The following ZNF385D variants were observed in gnomAD, a reference collection of about 807,000 sequenced individuals.
ZNF385D encodes zinc finger protein 385D, also known as zinc finger protein 659.
Under a neutral mutation model 35.8 loss-of-function variants are expected in ZNF385D, and 15 were observed. That is an observed-to-expected ratio of 0.42 (90% CI 0.28 to 0.64). The LOEUF (loss-of-function observed/expected upper bound fraction) is 0.64. ZNF385D is among the 30% of genes least tolerant of loss of function. The probability of loss-of-function intolerance (pLI) is 0.23; values close to 1 mark genes in which losing one functional copy is unlikely to be tolerated. For missense variants in ZNF385D, 474 were observed against 494.6 expected (o/e 0.96, Z 0.39); for synonymous variants, 212 against 186.8 (o/e 1.13, Z -1.10).
At chr3:21,538,557 TTTTTA>T (rs1476570011) in intron 3 of ZNF385D, among the ~76,000 whole-genome samples, 1 of 152,078 alleles carries the variant, frequency 6.6e-6, no homozygotes, top group African/African-American at 2.4e-5. Flanking sequence ...TTCTTGGCAT[TTTTTA>T]TTTTAAAGAT....
Position 21,588,549 on chromosome 3 carries a change from A to G in ZNF385D, c.166-23865T>C, listed in dbSNP as rs143859455. Among the ~76,000 whole-genome samples, 1,438 of 152,262 alleles carry G rather than the reference A, an allele frequency of 9.4e-3. 38 individuals are homozygous for G. Among genetic ancestry groups the G allele is most frequent in the East Asian group, 0.09 (465 of 5,184 alleles). On this transcript the variant is annotated intron_variant, in intron 2 of 7. Transcript: ENST00000281523. ...CTTATAGAGATAACATATACAATAT[A>G]TATAAAGACATTAAAGAAAAAACTA... is the stretch of plus-strand genomic sequence containing the variant.
chr3:21,441,570 G>T, intron 4 of ZNF385D: 1 of 376,780 alleles, frequency 2.7e-6, no homozygotes, highest in Non-Finnish European at 3.7e-6. Flanking sequence ...GAAACTAAGC[G>T]TGGCCCAAGC....
At chr3:21,798,858 T>C (rs1036203907) in intron 3 of ZNF385D, among the ~76,000 whole-genome samples, 2 of 152,154 alleles carry the variant, frequency 1.3e-5, no homozygotes, top group Non-Finnish European at 2.9e-5. Context: ...TTCAGTAGCA[T>C]TTACTAAATT....
chr3:22,163,791 G>A (rs1432250272), intron 3 of ZNF385D, among the ~76,000 whole-genome samples: 3 of 152,120 alleles, frequency 2.0e-5, no homozygotes, highest in Non-Finnish European at 4.4e-5. Flanking sequence ...CTAAATTGTG[G>A]TGAAAAGTTT....
intron 3 of ZNF385D, among the ~76,000 whole-genome samples, chr3:21,798,513 G>A (rs568617850): frequency 6.6e-6 from 1 of 152,184 alleles, no homozygotes; most frequent in African/African-American, 2.4e-5. Flanking sequence ...AGCAGGGGAA[G>A]CGTCTGCTGC....
Position 21,549,991 on chromosome 3 carries a change from C to T in ZNF385D, c.276+14583G>A, listed in dbSNP as rs182340791. Among the ~76,000 whole-genome samples, 592 of 152,232 alleles carry T rather than the reference C, an allele frequency of 3.9e-3. 1 individual carries two copies. The highest frequency in any genetic ancestry group is 6.5e-3 in the Non-Finnish European group (445 of 68,022). ...TCTTTAGAAAATTGCAACTGAGGCC[C>T]TCAAAATGGAATTTATAATTTGAGA... is the stretch of plus-strand genomic sequence containing the variant. On this transcript the variant is annotated intron_variant, in intron 3 of 7. Coordinates refer to ENST00000281523, the MANE Select transcript of ZNF385D (RefSeq NM_024697.3).
chr3:21,888,534 G>T (rs995528812), intron 3 of ZNF385D, among the ~76,000 whole-genome samples: 1 of 152,096 alleles, frequency 6.6e-6, no homozygotes, highest in South Asian at 2.1e-4. Context: ...AGGAACAACC[G>T]AGAGTTTATT....
At chr3:21,692,877 G>C (rs2067329852) in intron 1 of ZNF385D, among the ~76,000 whole-genome samples, 1 of 152,148 alleles carries the variant, frequency 6.6e-6, no homozygotes, top group African/African-American at 2.4e-5. Flanking sequence ...GGATGCTACT[G>C]TCCAGAATTT....
In ZNF385D at chr3:21,880,302, T is replaced by C. The variant is rs541841438; in HGVS notation, c.326-215274A>G. 3.3e-5 allele frequency among the ~76,000 whole-genome samples: 5 copies of C among 152,158 alleles called. No homozygotes were observed. The South Asian group carries it at 1.0e-3, about 31-fold the overall frequency. ...TACTGTGTTTGAAGGTTTGTGGCAA[T>C]GCTGTGTCAAGCTTCTATTGGCACC... On this transcript the variant is annotated intron_variant, in intron 3 of 5. Coordinates refer to the ZNF385D transcript ENST00000494108.
chr3:21,866,001 T>C (rs1697329938), intron 3 of ZNF385D, among the ~76,000 whole-genome samples: 1 of 152,232 alleles, frequency 6.6e-6, no homozygotes, highest in South Asian at 2.1e-4. Context: ...GATTATATTA[T>C]CATTTAATAT....
chr3:22,335,710 C>A (rs1269164500), intron 2 of ZNF385D, among the ~76,000 whole-genome samples: 3 of 152,072 alleles, frequency 2.0e-5, no homozygotes, highest in Non-Finnish European at 2.9e-5. Context: ...AGTAAAACCA[C>A]CAGAAAATTA....
chr3:21,602,202 C>A (rs150852851), intron 2 of ZNF385D, among the ~76,000 whole-genome samples: 1 of 151,974 alleles, frequency 6.6e-6, no homozygotes, highest in Non-Finnish European at 1.5e-5. Flanking sequence ...GGGGAAACTG[C>A]CCCCATGATT....
rs188882620 is a variant in ZNF385D at position 21,725,620 on chromosome 3, A to C, written c.22+25275T>G. Among the ~76,000 whole-genome samples, 117 of 152,340 alleles carry C rather than the reference A, an allele frequency of 7.7e-4. No individual in the cohort carries two copies. The Middle Eastern group carries it at 0.017, about 22-fold the overall frequency. On this transcript the variant is annotated intron_variant, in intron 1 of 7. Transcript: ENST00000281523. The stretch of plus-strand genomic sequence containing the variant: ...AATTCCTGGGCATATACACCCGTCC[A>C]AATCTAAACCAGGAAAAGTCGAATC...
chr3:22,039,981 C>T (rs1698567323), intron 3 of ZNF385D, among the ~76,000 whole-genome samples: 1 of 152,162 alleles, frequency 6.6e-6, no homozygotes, highest in Non-Finnish European at 1.5e-5. Flanking sequence ...CAAGGAGGAT[C>T]ATGAGGCTGA....
chr3:21,522,465 G>A (rs1457318385), intron 3 of ZNF385D, among the ~76,000 whole-genome samples: 7 of 152,000 alleles, frequency 4.6e-5, no homozygotes, highest in Middle Eastern at 3.4e-3. Flanking sequence ...TCAGCCTCCC[G>A]AGTAGCTGGG....
At chr3:22,073,492 T>C (rs866326625) in intron 3 of ZNF385D, among the ~76,000 whole-genome samples, 3 of 152,022 alleles carry the variant, frequency 2.0e-5, no homozygotes, top group Non-Finnish European at 4.4e-5. Flanking sequence ...AATAATTGCT[T>C]TATTTTTAAA....
chr3:21,742,853 C>G (rs966878852), intron 1 of ZNF385D, among the ~76,000 whole-genome samples: 1 of 152,182 alleles, frequency 6.6e-6, no homozygotes, highest in Non-Finnish European at 1.5e-5. Flanking sequence ...ATGTAATTTA[C>G]TAAGCATGGT....
chr3:21,715,036 G>C (rs1476681611), intron 1 of ZNF385D, among the ~76,000 whole-genome samples: 3 of 151,886 alleles, frequency 2.0e-5, no homozygotes. Flanking sequence ...TTTTCAGGTT[G>C]TATTTTAAAT....
At chr3:21,996,210 C>T (rs1173697462) in intron 3 of ZNF385D, among the ~76,000 whole-genome samples, 3 of 152,126 alleles carry the variant, frequency 2.0e-5, no homozygotes, top group African/African-American at 7.2e-5. Flanking sequence ...CAGCAGCTTC[C>T]TATACTAGTC....
Sources: allele counts gnomAD v4.1 joint callset (sites outside exome capture counted in the v4.1 genomes callset), GRCh38; gene constraint gnomAD v4.1.1; transcripts MANE v1.5; gene names NCBI Gene and HGNC (gene_info 2026-07-23, HGNC 2026-07-21).